TGFBR3: variants seen among roughly 807,000 people sequenced by gnomAD.
TGFBR3 encodes the protein transforming growth factor beta receptor type 3.
A neutral mutation model predicts 87.9 loss-of-function variants in TGFBR3; 46 were observed. That is an observed-to-expected ratio of 0.52 (90% CI 0.41 to 0.67). TGFBR3 has a LOEUF of 0.67. TGFBR3 is among the 30% of genes least tolerant of loss of function. The pLI is 0.00. For missense variants in TGFBR3, 866 were observed against 1,041.9 expected (o/e 0.83, Z 2.32); for synonymous variants, 381 against 391.6 (o/e 0.97, Z 0.32).
chr1:91,847,619 A>G (rs1217340235), intron 2 of TGFBR3, among the ~76,000 whole-genome samples: 1 of 151,828 alleles, frequency 6.6e-6, no homozygotes, highest in African/African-American at 2.4e-5. Context: ...AAAAAAAAAA[A>G]AAAGAATAAA....
intron 14 of TGFBR3, among the ~76,000 whole-genome samples, chr1:91,706,205 G>A (rs1671794406): frequency 6.6e-6 from 1 of 152,112 alleles, no homozygotes; most frequent in Non-Finnish European, 1.5e-5. Context: ...AATAGGGCTG[G>A]GTAAAATGAG....
At chr1:91,758,592 G>A in intron 4 of TGFBR3, 21 bp downstream of exon 4, 1 of 1,613,566 alleles carries the variant, frequency 6.2e-7, no homozygotes. Flanking sequence ...GGATCAGTTT[G>A]GGGGAGGTTT....
At chr1:91,884,569 C>T (rs1350814333) in intron 1 of TGFBR3, among the ~76,000 whole-genome samples, 1 of 152,148 alleles carries the variant, frequency 6.6e-6, no homozygotes, top group African/African-American at 2.4e-5. Context: ...CTGCACTTGC[C>T]GCTCTCCGCT....
chr1:91,800,033 A>T (rs1426918147), intron 2 of TGFBR3, among the ~76,000 whole-genome samples: 2 of 151,792 alleles, frequency 1.3e-5, no homozygotes, highest in Admixed American at 6.6e-5. Flanking sequence ...TCCAAGGTCA[A>T]AGAAAAGAGA....
chr1:91,758,504 C>T (rs919006806), intron 4 of TGFBR3, 109 bp downstream of exon 4: 12 of 1,305,154 alleles, frequency 9.2e-6, no homozygotes, highest in African/African-American at 1.5e-5. Context: ...ACTCTTTGGA[C>T]TCTGGCATTA....
chr1:91,828,258 A>G (rs777471751), intron 2 of TGFBR3, among the ~76,000 whole-genome samples: 1 of 152,128 alleles, frequency 6.6e-6, no homozygotes, highest in Non-Finnish European at 1.5e-5. Flanking sequence ...AGAACTTTCA[A>G]ATGTAACCAT....
At chr1:91,718,032 T>C (rs375511944) in intron 10 of TGFBR3, among the ~76,000 whole-genome samples, 73 of 152,296 alleles carry the variant, frequency 4.8e-4, no homozygotes, top group African/African-American at 1.7e-3. Flanking sequence ...AAATTCATGC[T>C]GCAATTATCA....
At chr1:91,772,048 G>A (rs1286208099) in intron 3 of TGFBR3, among the ~76,000 whole-genome samples, 1 of 152,062 alleles carries the variant, frequency 6.6e-6, no homozygotes, top group Non-Finnish European at 1.5e-5. Flanking sequence ...ACGGAGCTAA[G>A]GAAATACAAA....
chr1:91,738,634 C>T (rs1336111621), intron 4 of TGFBR3, among the ~76,000 whole-genome samples: 1 of 152,256 alleles, frequency 6.6e-6, no homozygotes, highest in Non-Finnish European at 1.5e-5. Context: ...TGCTATGCTT[C>T]CTGTACAGCT....
intron 7 of TGFBR3, among the ~76,000 whole-genome samples, chr1:91,722,420 T>C (rs1672402329): frequency 6.6e-6 from 1 of 152,178 alleles, no homozygotes; most frequent in African/African-American, 2.4e-5. Flanking sequence ...ACATACTAAG[T>C]ATGCCTAGTC....
chr1:91,794,348 C>T lies in TGFBR3; in HGVS notation c.246+2939G>A, dbSNP rs531179113. On this transcript the variant is annotated intron_variant, in intron 3 of 16. Coordinates refer to ENST00000212355, the MANE Select transcript of TGFBR3 (RefSeq NM_003243.5). ...CCTCCCAAGTAGCTACGACTACAGG[C>T]ACCCGCCACCATGCCAGCTAATTTT... Among the ~76,000 whole-genome samples, 20 of 152,166 alleles carry T rather than the reference C, an allele frequency of 1.3e-4. No individual in the cohort carries two copies. The East Asian group carries it at 3.1e-3, about 24-fold the overall frequency.
chr1:91,775,182 A>G (rs1674524997), intron 3 of TGFBR3, among the ~76,000 whole-genome samples: 1 of 152,234 alleles, frequency 6.6e-6, no homozygotes, highest in Admixed American at 6.5e-5. Context: ...CTCCGTTGTT[A>G]GCAAACACGG....
At chr1:91,850,611 T>C (rs918625107) in intron 2 of TGFBR3, among the ~76,000 whole-genome samples, 3 of 151,952 alleles carry the variant, frequency 2.0e-5, no homozygotes, top group African/African-American at 4.8e-5. Context: ...TGAGATGTCA[T>C]CTCTATAAAA....
At chr1:91,843,332 G>C (rs1277978455) in intron 2 of TGFBR3, among the ~76,000 whole-genome samples, 1 of 152,156 alleles carries the variant, frequency 6.6e-6, no homozygotes, top group Non-Finnish European at 1.5e-5. Context: ...TTGTCTTTTT[G>C]AGGACTGTAT....
intron 4 of TGFBR3, among the ~76,000 whole-genome samples, chr1:91,735,225 G>A (rs12069176): frequency 0.65 from 98,187 of 152,142 alleles, 32,251 homozygotes; most frequent in South Asian, 0.82. Context: ...TTGAGTAATC[G>A]TAAGAATTAT....
chr1:91,842,959 T>A (rs1302840340), intron 2 of TGFBR3, among the ~76,000 whole-genome samples: 1 of 152,122 alleles, frequency 6.6e-6, no homozygotes, highest in African/African-American at 2.4e-5. Context: ...ACTCCATCAC[T>A]CCCATTGTAC....
chr1:91,684,249 A>T (rs936985541), intron 16 of TGFBR3, among the ~76,000 whole-genome samples: 2 of 152,212 alleles, frequency 1.3e-5, no homozygotes, highest in African/African-American at 4.8e-5. Context: ...TCTCATAAAG[A>T]CACTGTAGGA....
At chr1:91,708,886 C>CAGCT in intron 13 of TGFBR3, 103 bp from the exon 14 acceptor site, 1 of 1,482,908 alleles carries the variant, frequency 6.7e-7, no homozygotes. Context: ...AGACAGCACA[C>CAGCT]AGCTGTTCAC....
chr1:91,886,643 T>A (rs1431063014), upstream of TGFBR3, among the ~76,000 whole-genome samples: 1 of 152,162 alleles, frequency 6.6e-6, no homozygotes, highest in Non-Finnish European at 1.5e-5. Flanking sequence ...TCTTGCCCTC[T>A]CCCCAGCAGA....
Sources: allele counts gnomAD v4.1 joint callset (sites outside exome capture counted in the v4.1 genomes callset), GRCh38; gene constraint gnomAD v4.1.1; transcripts MANE v1.5; gene names NCBI Gene and HGNC (gene_info 2026-07-23, HGNC 2026-07-21).